The following C1orf116 variants were observed in gnomAD, a reference collection of about 807,000 sequenced individuals.
C1orf116 encodes the protein specifically androgen-regulated gene protein.
Under a neutral mutation model 14.1 loss-of-function variants are expected in C1orf116, and 12 were observed. That is an observed-to-expected ratio of 0.85 (90% CI 0.54 to 1.38). C1orf116 has a LOEUF of 1.38. Ranked by LOEUF, C1orf116 falls within the 40% of genes most tolerant of loss-of-function variation. The pLI is 0.00. For synonymous variants in C1orf116, 296 were observed against 299.0 expected (o/e 0.99, Z 0.10); for missense variants, 797 against 747.0 (o/e 1.07, Z -0.78).
rs1681753768 is a variant in C1orf116, at chr1:207,019,145, C to T, written c.*2813G>A. The stretch of plus-strand genomic sequence containing the variant: ...GAAGGCATGTACGAGTGAGTGGGCT[C>T]ATCGGTTGACCTCTGTGTGAGATGG... On this transcript the variant is annotated 3_prime_UTR_variant, in exon 4 of 4. Transcript: ENST00000359470. 1 of 152,316 alleles carries T rather than the reference C, an allele frequency of 6.6e-6. No homozygotes were observed. The highest frequency in any genetic ancestry group is 1.5e-5 in the Non-Finnish European group (1 of 68,096). The allele number at this position is 152,316 out of a possible 1,614,324, so 9.4% of individuals were successfully genotyped here. A position where few individuals can be genotyped will look rare whatever the true frequency, so the allele number is the denominator to read the frequency against.
intron 1 of C1orf116, among the ~76,000 whole-genome samples, chr1:207,029,968 G>C (rs1430559886): frequency 2.0e-5 from 3 of 152,166 alleles, no homozygotes; most frequent in Non-Finnish European, 4.4e-5. Flanking sequence ...CTACCCTTGT[G>C]CTTCTAAGTA....
At chr1:207,029,465 G>A (rs1466033627) in intron 1 of C1orf116, among the ~76,000 whole-genome samples, 1 of 152,168 alleles carries the variant, frequency 6.6e-6, no homozygotes, top group Non-Finnish European at 1.5e-5. Context: ...TGATGCCCAA[G>A]TTCAGGGAGG....
intron 1 of C1orf116, among the ~76,000 whole-genome samples, chr1:207,028,444 A>G (rs1682146354): frequency 6.6e-6 from 1 of 152,236 alleles, no homozygotes; most frequent in African/African-American, 2.4e-5. Flanking sequence ...AACCACCGCT[A>G]CGATACCCAT....
chr1:207,029,374 A>G lies in C1orf116; in HGVS notation c.-81-1695T>C, dbSNP rs143136599. 2.2e-3 allele frequency among the ~76,000 whole-genome samples: 338 copies of G among 152,262 alleles called. 1 individual carries two copies. Among genetic ancestry groups the G allele is most frequent in the South Asian group, 3.9e-3 (19 of 4,824 alleles). ...GGTTTCTTCATGAGGTTAGCTCCCC[A>G]ATACCCAGAAGCTCAAAGAAACAGG... On this transcript the variant is annotated intron_variant, in intron 1 of 3. Transcript: ENST00000359470.
intron 2 of C1orf116, 131 bp from the exon 3 acceptor site, chr1:207,025,195 G>T: frequency 1.5e-6 from 1 of 668,576 alleles, no homozygotes; most frequent in Non-Finnish European, 2.6e-6. Flanking sequence ...GAACCACCCT[G>T]CAGAGAGGAA....
At chr1:207,029,423 A>T (rs1293982787) in intron 1 of C1orf116, among the ~76,000 whole-genome samples, 1 of 152,154 alleles carries the variant, frequency 6.6e-6, no homozygotes, top group Non-Finnish European at 1.5e-5. Flanking sequence ...ATGTGGATGA[A>T]GTTCAGTCAT....
rs2102298622 is a variant in C1orf116 at position 207,023,144 on chromosome 1, G to A, written c.620C>T (p.Thr207Ile). The change falls in exon 4 of 4, where the codon ACC becomes ATC. Residue 207 changes from threonine to isoleucine, a missense_variant. Physicochemically the swap from Thr to Ile is moderately conservative, Grantham distance 89 (BLOSUM62 -1). Coordinates refer to ENST00000359470, the MANE Select transcript of C1orf116 (RefSeq NM_023938.6). ...GGCTTCCCTACACTGCTCTGGCTGG[G>A]TGTCCCGGAAAGCTTCTGGCGGAGG... The part of the protein sequence containing the change: ...LIPPPEAFRD[T>I]QPEQCREASL... 5 of 1,612,292 alleles carry A rather than the reference G, an allele frequency of 3.1e-6. No homozygotes were observed. The highest frequency in any genetic ancestry group is 4.2e-6 in the Non-Finnish European group (5 of 1,179,232).
chr1:207,022,745 AG>A lies in C1orf116; in HGVS notation c.1018del (p.Leu340CysfsTer12). 1.2e-6 allele frequency: 2 copies of A among 1,614,236 alleles called. No homozygotes were observed. The highest frequency in any genetic ancestry group is 1.7e-6 in the Non-Finnish European group (2 of 1,180,042). On this transcript the variant is annotated frameshift_variant, in exon 4 of 4. Transcript: ENST00000359470. LOFTEE classifies it low-confidence loss of function (END_TRUNC). ...PGDSGLISCS[L>X]QEQRKARKEA... ...TTTACGTGCTTTTCTCTGCTCTTGCAGTGAACAGGAGATCAGGCCAGAATCT... is the reference window on the plus strand; with the variant it reads ...TTTACGTGCTTTTCTCTGCTCTTGCATGAACAGGAGATCAGGCCAGAATCT...
In C1orf116 at chr1:207,023,175, G is replaced by A. The variant is rs1681946344; in HGVS notation, c.589C>T (p.Leu197Phe). The A allele has an allele frequency of 6.2e-7, 1 of 1,609,730 alleles. No individual in the cohort carries two copies. Among genetic ancestry groups the A allele is most frequent in the Non-Finnish European group, 8.5e-7 (1 of 1,177,800 alleles). ...QEAALDLDVV[L>F]IPPPEAFRDT... is the part of the protein sequence containing the mutation. ...CGGAAAGCTTCTGGCGGAGGGATGA[G>A]CACCACGTCCAAGTCAAGGGCAGCC... The change falls in exon 4 of 4, where the codon CTC (leucine) becomes TTC (phenylalanine). Residue 197 changes from leucine to phenylalanine, a missense_variant. By Grantham distance (22) the Leu-to-Phe change is conservative. Coordinates refer to ENST00000359470, the MANE Select transcript of C1orf116 (RefSeq NM_023938.6).
Position 207,022,080 on chromosome 1 carries a change from G to A in C1orf116, c.1684C>T (p.Gln562Ter). Reference sequence around the variant, plus strand: ...GGAAGCTTGTCACGGCTCTGTCCTTGGTAGGACAGGCGCTTGGAGCTCTGC... The same window carrying A: ...GGAAGCTTGTCACGGCTCTGTCCTTAGTAGGACAGGCGCTTGGAGCTCTGC... ...QEQSSKRLSY[Q>*]GQSRDKLPRP... The change falls in exon 4 of 4, where the codon CAA becomes TAA. Residue 562 changes from glutamine to a stop codon, truncating the protein, a stop_gained. Coordinates refer to ENST00000359470, the MANE Select transcript of C1orf116 (RefSeq NM_023938.6). LOFTEE classifies it high-confidence loss of function. 6.2e-7 allele frequency: 1 copy of A among 1,611,974 alleles called. No homozygotes were observed. The highest frequency in any genetic ancestry group is 8.5e-7 in the Non-Finnish European group (1 of 1,178,872).
intron 1 of C1orf116, among the ~76,000 whole-genome samples, chr1:207,028,573 G>A (rs1440866140): frequency 1.3e-5 from 2 of 152,200 alleles, no homozygotes; most frequent in Non-Finnish European, 2.9e-5. Flanking sequence ...CATTCCCAAT[G>A]AGATTCCCTA....
In C1orf116 at chr1:207,022,669, G is replaced by A. The variant is rs111307067; in HGVS notation, c.1095C>T (p.Leu365=). ...TGGAGCTGGTGGGCTTACTTAAGTGGAGTCCAGGCTCATCTTGATCCTGGG... is the reference window on the plus strand; with the variant it reads ...TGGAGCTGGTGGGCTTACTTAAGTGAAGTCCAGGCTCATCTTGATCCTGGG... ...GLPQDQDEPG[L]HLSKPTSSIR... The change falls in exon 4 of 4, where the codon CTC becomes CTT. Residue 365 remains leucine, a synonymous_variant. Coordinates refer to ENST00000359470, the MANE Select transcript of C1orf116 (RefSeq NM_023938.6). 5.3e-3 allele frequency: 8,556 copies of A among 1,614,024 alleles called. 403 individuals are homozygous for A. In the African/African-American group the frequency reaches 0.098, roughly 18 times the overall value.
rs751792391 is a variant in C1orf116, at chr1:207,024,990, T to C, written c.180A>G (p.Ser60=). ...CLLFLEETIG[S]LDTEADSGLS... is the part of the protein sequence containing the mutation. ...GTCCGCTGTCAGCCTCCGTGTCCAG[T>C]GAGCCAATGGTCTCCTCCAGGAAGA... Residue 60 remains serine, a synonymous_variant, in exon 3 of 4, where the codon TCA becomes TCG. Coordinates refer to ENST00000359470, the MANE Select transcript of C1orf116 (RefSeq NM_023938.6). The C allele has an allele frequency of 6.2e-7, 1 of 1,612,972 alleles. No individual in the cohort carries two copies.
In C1orf116 at chr1:207,022,137, G is replaced by A; in HGVS notation, c.1627C>T (p.Gln543Ter). The change falls in exon 4 of 4, where the codon CAG becomes TAG. Residue 543 changes from glutamine (Q) to a stop codon, truncating the protein, a stop_gained. Transcript: ENST00000359470. LOFTEE classifies it high-confidence loss of function. The part of the protein sequence containing the change: ...LGTGKDFAGI[Q>*]VGKLADLEQE... ...TCCAGGTCAGCCAGCTTGCCTACCTGGATACCTGCAAAATCTTTCCCCGTG... is the reference window on the plus strand; with the variant it reads ...TCCAGGTCAGCCAGCTTGCCTACCTAGATACCTGCAAAATCTTTCCCCGTG... The A allele has an allele frequency of 6.2e-7, 1 of 1,612,952 alleles. No individual in the cohort carries two copies. Among genetic ancestry groups the A allele is most frequent in the Non-Finnish European group, 8.5e-7 (1 of 1,179,042 alleles).
intron 2 of C1orf116, among the ~76,000 whole-genome samples, chr1:207,027,239 C>T (rs1366090066): frequency 6.6e-6 from 1 of 152,200 alleles, no homozygotes; most frequent in Non-Finnish European, 1.5e-5. Flanking sequence ...CTGCTCAACC[C>T]AACCCCCAAC....
At chr1:207,024,402 G>T (rs1160385243) in intron 3 of C1orf116, among the ~76,000 whole-genome samples, 1 of 152,206 alleles carries the variant, frequency 6.6e-6, no homozygotes, top group Non-Finnish European at 1.5e-5. Flanking sequence ...CTTCTGCTGA[G>T]CCTGAATACC....
At chr1:207,032,465 A>G (rs1394598603) in intron 1 of C1orf116, 114 bp downstream of exon 1, 1 of 675,816 alleles carries the variant, frequency 1.5e-6, no homozygotes, top group East Asian at 1.4e-4. Context: ...CAGAGAGGAA[A>G]TCTCCCTAGC....
Position 207,029,158 on chromosome 1 carries a change from G to T in C1orf116, c.-81-1479C>A, listed in dbSNP as rs544470679. Among the ~76,000 whole-genome samples, 12 of 152,026 alleles carry T rather than the reference G, an allele frequency of 7.9e-5. 1 individual carries two copies. Among genetic ancestry groups the T allele is most frequent in the African/African-American group, 2.9e-4 (12 of 41,478 alleles). ...GCCCCAAGGAGCTCCTCTTCTGCTT[G>T]GGAGGAGTCTCTTAAAAGGGGCAGG... is the stretch of plus-strand genomic sequence containing the variant. On this transcript the variant is annotated intron_variant, in intron 1 of 3. Transcript: ENST00000359470.
chr1:207,027,928 A>G (rs1030628944), intron 1 of C1orf116, among the ~76,000 whole-genome samples: 1 of 152,170 alleles, frequency 6.6e-6, no homozygotes, highest in Admixed American at 6.5e-5. Flanking sequence ...CTTCTCTTAC[A>G]TTTTTCTCTG....
Sources: allele counts gnomAD v4.1 joint callset (sites outside exome capture counted in the v4.1 genomes callset), GRCh38; gene constraint gnomAD v4.1.1; transcripts MANE v1.5; gene names NCBI Gene and HGNC (gene_info 2026-07-23, HGNC 2026-07-21).